Variants in VPS13B observed in about 807,000 individuals in gnomAD.
VPS13B encodes the protein vacuolar protein sorting 13 homolog B, also known as intermembrane lipid transfer protein VPS13B.
Under a neutral mutation model 426.4 loss-of-function variants are expected in VPS13B, and 285 were observed. The observed-to-expected ratio is 0.67, with a 90% confidence interval of 0.61 to 0.74. The LOEUF is 0.74. Ranked by LOEUF, VPS13B falls within the 30% of genes least tolerant of loss-of-function variation. VPS13B has a pLI of 0.00. For synonymous variants in VPS13B, 1,676 were observed against 1,676.4 expected (o/e 1.00, Z 0.01); for missense variants, 4,537 against 4,782.6 (o/e 0.95, Z 1.51).
chr8:99,097,130 A>G (rs547576519), intron 4 of VPS13B, among the ~76,000 whole-genome samples: 1 of 152,320 alleles, frequency 6.6e-6, no homozygotes, highest in Non-Finnish European at 1.5e-5. Flanking sequence ...CTCAGTAGCA[A>G]TTCCACATTC....
intron 18 of VPS13B, among the ~76,000 whole-genome samples, chr8:99,274,747 A>G (rs2132996916): frequency 6.6e-6 from 1 of 152,096 alleles, no homozygotes; most frequent in East Asian, 1.9e-4. Context: ...TTCATAATAT[A>G]TTTTAAAAAC....
intron 14 of VPS13B, among the ~76,000 whole-genome samples, chr8:99,150,698 C>T (rs994849646): frequency 3.3e-5 from 5 of 152,254 alleles, no homozygotes; most frequent in African/African-American, 1.2e-4. Flanking sequence ...TCCTCTTTGG[C>T]TTTTCATGGC....
chr8:99,863,334 G>A (rs1816928373), intron 58 of VPS13B, among the ~76,000 whole-genome samples: 1 of 152,184 alleles, frequency 6.6e-6, no homozygotes, highest in South Asian at 2.1e-4. Flanking sequence ...AATGGATTAA[G>A]TGGCTGTAAC....
intron 35 of VPS13B, among the ~76,000 whole-genome samples, chr8:99,695,134 G>A: frequency 6.6e-6 from 1 of 151,242 alleles, no homozygotes; most frequent in Non-Finnish European, 1.5e-5. Context: ...GTGGAAGTCA[G>A]TGTGGCGATT....
At chr8:99,709,492 T>C (rs1394655898) in intron 36 of VPS13B, among the ~76,000 whole-genome samples, 5 of 152,232 alleles carry the variant, frequency 3.3e-5, no homozygotes, top group Admixed American at 3.3e-4. Flanking sequence ...ATGAAAAGTA[T>C]GTCAGTATTC....
At chr8:99,229,939 T>A (rs776684774) in intron 17 of VPS13B, among the ~76,000 whole-genome samples, 16 of 152,230 alleles carry the variant, frequency 1.1e-4, no homozygotes, top group Non-Finnish European at 2.4e-4. Flanking sequence ...ATATCTTGAC[T>A]TCTGACTTAT....
intron 39 of VPS13B, among the ~76,000 whole-genome samples, chr8:99,754,665 T>A (rs993780000): frequency 1.3e-5 from 2 of 152,226 alleles, no homozygotes; most frequent in Non-Finnish European, 2.9e-5. Context: ...AGTTTAAAAC[T>A]CTTTCACCTA....
chr8:99,702,762 T>A (rs867921970), intron 36 of VPS13B, among the ~76,000 whole-genome samples: 6 of 152,294 alleles, frequency 3.9e-5, no homozygotes, highest in Middle Eastern at 3.4e-3. Flanking sequence ...CCCTAACTTA[T>A]GCAAGCTATT....
chr8:99,250,664 CTTTTTTTTTTTTTTTTTTT>C (rs60698750), intron 17 of VPS13B, among the ~76,000 whole-genome samples: 36 of 35,804 alleles, frequency 1.0e-3, no homozygotes, highest in South Asian at 5.5e-3. Flanking sequence ...TGTGTTTATT[CTTTTTTTTTTTTTTTTTTT>C]TTTTTTTTTT....
intron 31 of VPS13B, among the ~76,000 whole-genome samples, chr8:99,566,913 A>G (rs1037246854): frequency 2.0e-5 from 3 of 152,180 alleles, no homozygotes; most frequent in Non-Finnish European, 2.9e-5. Context: ...TGGTTTATTT[A>G]TGAATGACAG....
At chr8:99,764,959 G>C (rs1159978607) in intron 39 of VPS13B, among the ~76,000 whole-genome samples, 1 of 152,028 alleles carries the variant, frequency 6.6e-6, no homozygotes, top group Non-Finnish European at 1.5e-5. Flanking sequence ...GAAAAAAAAA[G>C]TTTTGGCTAG....
intron 3 of VPS13B, among the ~76,000 whole-genome samples, chr8:99,068,318 C>T (rs1318891704): frequency 1.3e-5 from 2 of 152,100 alleles, no homozygotes; most frequent in South Asian, 2.1e-4. Context: ...AACTTTTTGC[C>T]TTTTATAATG....
intron 19 of VPS13B, among the ~76,000 whole-genome samples, chr8:99,360,086 G>A (rs1812415660): frequency 6.9e-6 from 1 of 144,336 alleles, no homozygotes; most frequent in African/African-American, 2.6e-5. Context: ...ACAGGCATGA[G>A]TCACTGTGCC....
intron 19 of VPS13B, among the ~76,000 whole-genome samples, chr8:99,306,232 G>A (rs1330802748): frequency 1.3e-5 from 2 of 152,012 alleles, no homozygotes; most frequent in Non-Finnish European, 2.9e-5. Context: ...ATCAATTAGG[G>A]AGTTTCCCTG....
chr8:99,662,779 G>T (rs937484375), intron 35 of VPS13B, among the ~76,000 whole-genome samples: 1 of 152,154 alleles, frequency 6.6e-6, no homozygotes, highest in African/African-American at 2.4e-5. Flanking sequence ...GGGCATGGTG[G>T]CTCACACCTG....
chr8:99,197,630 G>A (rs987137314), intron 17 of VPS13B, among the ~76,000 whole-genome samples: 6 of 152,022 alleles, frequency 3.9e-5, no homozygotes, highest in Admixed American at 2.0e-4. Context: ...TATTTCTGTT[G>A]TTTCTATCAG....
chr8:99,627,493 G>A (rs1828663285), intron 33 of VPS13B, among the ~76,000 whole-genome samples: 1 of 152,054 alleles, frequency 6.6e-6, no homozygotes, highest in Admixed American at 6.5e-5. Context: ...TCAGCTCACT[G>A]CAACCTCCAC....
intron 7 of VPS13B, among the ~76,000 whole-genome samples, 190 bp from the exon 8 acceptor site, chr8:99,120,987 C>A (rs769779050): frequency 6.6e-6 from 1 of 152,040 alleles, no homozygotes; most frequent in Non-Finnish European, 1.5e-5. Flanking sequence ...GAGAAAGATA[C>A]GGTACAACAT....
chr8:99,686,654 G>A (rs552599157), intron 35 of VPS13B, among the ~76,000 whole-genome samples: 9 of 151,956 alleles, frequency 5.9e-5, no homozygotes, highest in Admixed American at 2.0e-4. Context: ...GGCCTGCAGC[G>A]AGTGCTACGT....
Sources: gnomAD v4.1 joint callset for allele counts (sites outside exome capture counted in the v4.1 genomes callset) on GRCh38, gnomAD v4.1.1 for gene constraint, MANE v1.5 for transcripts, NCBI Gene and HGNC (gene_info 2026-07-23, HGNC 2026-07-21) for gene names.